The following NEXMIF variants were observed in gnomAD, a reference collection of about 807,000 sequenced individuals.
NEXMIF encodes XLMR protein related to neurite extension.
A neutral mutation model predicts 62.1 loss-of-function variants in NEXMIF; 8 were observed. The observed-to-expected ratio is 0.13, with a 90% confidence interval of 0.08 to 0.23. The LOEUF (loss-of-function observed/expected upper bound fraction) is 0.23. NEXMIF is among the 10% of genes least tolerant of loss of function. The probability of loss-of-function intolerance (pLI) is 1.00; values close to 1 mark genes in which losing one functional copy is unlikely to be tolerated. For missense variants in NEXMIF, 976 were observed against 1,113.3 expected (o/e 0.88, Z 1.75); for synonymous variants, 404 against 416.6 (o/e 0.97, Z 0.37).
chrX:74,917,147 G>A (rs960658674), intron 1 of NEXMIF, among the ~76,000 whole-genome samples: 1 of 111,852 alleles, frequency 8.9e-6, no homozygotes, highest in African/African-American at 3.3e-5. Context: ...CCCAATGTTG[G>A]AGGACAGGCC....
chrX:74,875,712 T>C (rs775220918), intron 1 of NEXMIF, among the ~76,000 whole-genome samples: 13 of 112,157 alleles, frequency 1.2e-4, no homozygotes, highest in Non-Finnish European at 1.7e-4. Context: ...TTCTTCCTGG[T>C]TTAGTCTTGG....
In NEXMIF at chrX:74,739,136, T is replaced by A. The variant is rs1332644565; in HGVS notation, c.*269A>T. The A allele has an allele frequency of 5.1e-6, 1 of 196,029 alleles. No individual in the cohort carries two copies. The highest frequency in any genetic ancestry group is 9.2e-6 in the Non-Finnish European group (1 of 108,998). The allele number at this position is 196,029 out of a possible 1,213,427, so 16.2% of individuals were successfully genotyped here. A position where few individuals can be genotyped will look rare whatever the true frequency, so the allele number is the denominator to read the frequency against. On this transcript the variant is annotated 3_prime_UTR_variant, in exon 4 of 4. Coordinates refer to ENST00000055682, the MANE Select transcript of NEXMIF (RefSeq NM_001008537.3). ...AATTAACAGGGACAACTTCCCCAAA[T>A]ACAACCAAATGTTGATATAGAAGTA...
intron 1 of NEXMIF, among the ~76,000 whole-genome samples, chrX:74,850,764 G>A (rs1333367098): frequency 9.1e-6 from 1 of 110,454 alleles, no homozygotes; most frequent in African/African-American, 3.3e-5. Flanking sequence ...AGAAGCAACT[G>A]GCACACCAGA....
At chrX:74,885,331 C>A (rs773447415) in intron 1 of NEXMIF, among the ~76,000 whole-genome samples, 105 of 111,553 alleles carry the variant, frequency 9.4e-4, no homozygotes, top group Middle Eastern at 4.6e-3. Flanking sequence ...ACACAAAAAA[C>A]CCTTCAAAAA....
chrX:74,905,289 G>C (rs1245553748), intron 1 of NEXMIF, among the ~76,000 whole-genome samples: 1 of 111,001 alleles, frequency 9.0e-6, no homozygotes, highest in Non-Finnish European at 1.9e-5. Flanking sequence ...ATTATTTATG[G>C]GAAGAGGGGA....
chrX:74,812,259 A>C (rs146435503), intron 1 of NEXMIF, among the ~76,000 whole-genome samples: 1 of 112,068 alleles, frequency 8.9e-6, no homozygotes, highest in Non-Finnish European at 1.9e-5. Context: ...TTTATATATC[A>C]TATACAAACA....
chrX:74,795,643 A>T (rs1232356057), intron 1 of NEXMIF, among the ~76,000 whole-genome samples: 1 of 111,072 alleles, frequency 9.0e-6, no homozygotes, highest in Admixed American at 9.6e-5. Context: ...ATTTGTCAAA[A>T]CCTATAGACC....
intron 1 of NEXMIF, among the ~76,000 whole-genome samples, chrX:74,889,897 T>A (rs933186945): frequency 3.6e-5 from 4 of 110,213 alleles, no homozygotes; most frequent in African/African-American, 1.3e-4. Flanking sequence ...GCTTTAGTTT[T>A]CTTCTTTTTG....
Position 74,741,985 on chromosome X carries a change from T to A in NEXMIF, c.2572A>T (p.Thr858Ser). 2 of 1,211,093 alleles carry A rather than the reference T, an allele frequency of 1.7e-6. No homozygotes were observed. The highest frequency in any genetic ancestry group is 1.1e-6 in the Non-Finnish European group (1 of 895,021). The change falls in exon 3 of 4, where the codon ACC becomes TCC. Residue 858 changes from threonine to serine, a missense_variant. By Grantham distance (58) the Thr-to-Ser change is moderately conservative. Coordinates refer to ENST00000055682, the MANE Select transcript of NEXMIF (RefSeq NM_001008537.3). ...TEKSFVPLQP[T>S]QDCVLTSSSD... ...GATGAGGTGAGCACACAGTCCTGGG[T>A]AGGCTGGAGGGGTACAAATGATTTT... is the stretch of plus-strand genomic sequence containing the variant.
intron 1 of NEXMIF, among the ~76,000 whole-genome samples, chrX:74,880,740 C>T (rs2080659459): frequency 8.9e-6 from 1 of 111,848 alleles, no homozygotes; most frequent in Admixed American, 9.5e-5. Flanking sequence ...ATGAAAGGGG[C>T]TTGAATTGGA....
intron 1 of NEXMIF, among the ~76,000 whole-genome samples, chrX:74,804,500 T>C (rs1472447664): frequency 8.9e-6 from 1 of 111,789 alleles, no homozygotes; most frequent in Non-Finnish European, 1.9e-5. Flanking sequence ...CATGCCAGCA[T>C]TGTGTCCTTC....
chrX:74,906,181 G>A lies in NEXMIF; in HGVS notation c.-48+18702C>T, dbSNP rs182816723. The stretch of plus-strand genomic sequence containing the variant: ...CCAGCTACTTGGGAGGCTGAGGCAG[G>A]AGGATCCCTTGAGCCCAGGAATTCA... On this transcript the variant is annotated intron_variant, in intron 1 of 3. Transcript: ENST00000055682. Among the ~76,000 whole-genome samples, 544 of 109,858 alleles carry A rather than the reference G, an allele frequency of 5.0e-3. 4 individuals are homozygous for A. The highest frequency in any genetic ancestry group is 0.017 in the African/African-American group (514 of 30,136).
rs768621254 is a variant in NEXMIF, at chrX:74,734,329, A to G, written c.*5076T>C. The G allele has an allele frequency of 8.9e-6, 1 of 112,252 alleles. No individual in the cohort carries two copies. The highest frequency in any genetic ancestry group is 3.2e-5 in the African/African-American group (1 of 30,914). 9.3% of individuals were successfully genotyped at this position (112,252 alleles called of 1,213,427 possible). A position where few individuals can be genotyped will look rare whatever the true frequency, so the allele number is the denominator to read the frequency against. ...AGTTCTATGGAAACTAAGGACTAGT[A>G]CATTCAAAACTCTGTAGGCAGCAAA... is the stretch of plus-strand genomic sequence containing the variant. On this transcript the variant is annotated 3_prime_UTR_variant, in exon 4 of 4. Transcript: ENST00000055682.
chrX:74,843,559 C>T (rs934811391), intron 1 of NEXMIF, among the ~76,000 whole-genome samples: 10 of 110,486 alleles, frequency 9.1e-5, no homozygotes, highest in East Asian at 2.8e-4. Context: ...GGACTACAGG[C>T]GCCTGCCAAC....
rs925562485 is a variant in NEXMIF at position 74,793,560 on chromosome X, C to T, written c.-47-47863G>A. The stretch of plus-strand genomic sequence containing the variant: ...TGGGGAAGTTCTCCTGGAGAATATC[C>T]TGCAGAGTGTTTTCCAACTTGGTTC... On this transcript the variant is annotated intron_variant, in intron 1 of 3. Coordinates refer to ENST00000055682, the MANE Select transcript of NEXMIF (RefSeq NM_001008537.3). Among the ~76,000 whole-genome samples the T allele has an allele frequency of 1.9e-4, 21 of 111,447 alleles. No homozygotes were observed. The Admixed American group carries it at 2.0e-3, about 11-fold the overall frequency.
chrX:74,912,726 C>G (rs1423548108), intron 1 of NEXMIF, among the ~76,000 whole-genome samples: 2 of 111,802 alleles, frequency 1.8e-5, no homozygotes, highest in Non-Finnish European at 3.8e-5. Context: ...GCTCCCTCCC[C>G]CAACCTCAGT....
At chrX:74,919,903 A>G (rs1466920772) in intron 1 of NEXMIF, among the ~76,000 whole-genome samples, 1 of 110,313 alleles carries the variant, frequency 9.1e-6, no homozygotes, top group African/African-American at 3.3e-5. Context: ...GTGATAGTTT[A>G]CTGAGAATGA....
intron 1 of NEXMIF, among the ~76,000 whole-genome samples, chrX:74,843,405 G>A (rs748909746): frequency 2.7e-5 from 3 of 109,272 alleles, no homozygotes; most frequent in African/African-American, 6.7e-5. Context: ...GCATACTATT[G>A]GGTCTTGCTT....
At chrX:74,876,982 T>C (rs1358051805) in intron 1 of NEXMIF, among the ~76,000 whole-genome samples, 6 of 111,512 alleles carry the variant, frequency 5.4e-5, no homozygotes, top group African/African-American at 1.3e-4. Context: ...GAGCATTTAG[T>C]CCATTTACAT....
Sources: allele counts gnomAD v4.1 joint callset (sites outside exome capture counted in the v4.1 genomes callset), GRCh38; gene constraint gnomAD v4.1.1; transcripts MANE v1.5; gene names NCBI Gene and HGNC (gene_info 2026-07-23, HGNC 2026-07-21).